Variants in NTRK1 observed in about 807,000 individuals in gnomAD.
The protein encoded by NTRK1 is high affinity nerve growth factor receptor.
Under a neutral mutation model 86.8 loss-of-function variants are expected in NTRK1, and 62 were observed. The ratio of observed to expected loss-of-function variants is 0.71; its 90% CI spans 0.58 to 0.88. The LOEUF (loss-of-function observed/expected upper bound fraction) is 0.88, where lower values mean the gene tolerates loss of function less well. NTRK1 is among the 40% of genes least tolerant of loss of function. The pLI, the probability that NTRK1 is intolerant of heterozygous loss-of-function variation, is 0.00. For missense variants in NTRK1, 967 were observed against 1,078.4 expected (o/e 0.90, Z 1.45); for synonymous variants, 469 against 456.6 (o/e 1.03, Z -0.35).
At chr1:156,869,017 TC>T (rs59311509) in intron 6 of NTRK1, among the ~76,000 whole-genome samples, 15,831 of 33,638 alleles carry the variant, frequency 0.47, 3,126 homozygotes, top group Middle Eastern at 0.53. Flanking sequence ...CTTTTCTCTC[TC>T]CCTTCCTTCC....
At chr1:156,867,883 C>A (rs1431906025) in intron 4 of NTRK1, among the ~76,000 whole-genome samples, 1 of 148,684 alleles carries the variant, frequency 6.7e-6, no homozygotes, top group East Asian at 2.1e-4. Flanking sequence ...CTGTGTTAGC[C>A]AGGATGGTCT....
intron 4 of NTRK1, 47 bp from the exon 5 acceptor site, chr1:156,868,057 C>T (rs1209995800): frequency 6.2e-7 from 1 of 1,610,590 alleles, no homozygotes. Context: ...CCCTGTGATC[C>T]CTCAGGCCCT....
At chr1:156,870,582 C>T (rs566378701) in intron 6 of NTRK1, among the ~76,000 whole-genome samples, 1 of 152,286 alleles carries the variant, frequency 6.6e-6, no homozygotes, top group African/African-American at 2.4e-5. Flanking sequence ...AGAGCTTGCA[C>T]AAAAGGCTGG....
intron 1 of NTRK1, among the ~76,000 whole-genome samples, chr1:156,819,396 A>T (rs750910934): frequency 6.6e-6 from 1 of 151,942 alleles, no homozygotes. Context: ...CATTTCCCTG[A>T]TGATTGTGGT....
In NTRK1 at chr1:156,866,996, C is replaced by G. The variant is rs1655965880; in HGVS notation, c.428+18C>G. 3 of 1,613,814 alleles carry G rather than the reference C, an allele frequency of 1.9e-6. No individual in the cohort carries two copies. Among genetic ancestry groups the G allele is most frequent in the South Asian group, 2.2e-5 (2 of 91,080 alleles). On this transcript the variant is annotated intron_variant, in intron 4 of 16. Coordinates refer to ENST00000524377, the MANE Select transcript of NTRK1 (RefSeq NM_002529.4). ...CAGGAACTGTGAGTGGGGGCGCTTC[C>G]AGGGGCAAGAGCACCAAGTGTGTGT...
intron 1 of NTRK1, chr1:156,840,564 C>T (rs941663718): frequency 2.2e-5 from 9 of 409,476 alleles, no homozygotes; most frequent in South Asian, 1.1e-4. Flanking sequence ...CTAGGGTGGG[C>T]GGGCCCCCTC....
At chr1:156,845,620 T>A in intron 2 of NTRK1, 1 of 1,403,944 alleles carries the variant, frequency 7.1e-7, no homozygotes, top group Non-Finnish European at 9.5e-7. Context: ...TCTTCGCACA[T>A]GGGGATGGTG....
At chr1:156,881,411 C>G (rs1386080546) in intron 16 of NTRK1, 46 bp from the exon 17 acceptor site, 15 of 1,541,648 alleles carry the variant, frequency 9.7e-6, no homozygotes, top group Non-Finnish European at 1.3e-5. Context: ...CACTCTCTTG[C>G]CCCCAGCCTA....
intron 1 of NTRK1, among the ~76,000 whole-genome samples, chr1:156,828,157 G>A (rs1571643724): frequency 6.6e-6 from 1 of 152,016 alleles, no homozygotes; most frequent in East Asian, 1.9e-4. Context: ...ATTTGCAATT[G>A]TAATATTATT....
intron 2 of NTRK1, chr1:156,846,460 C>T: frequency 7.3e-7 from 1 of 1,365,116 alleles, no homozygotes; most frequent in Non-Finnish European, 1.0e-6. Context: ...GGTGCCTGTG[C>T]TCCCCTGTTC....
At chr1:156,842,741 A>G (rs1470817836) in intron 2 of NTRK1, among the ~76,000 whole-genome samples, 1 of 152,130 alleles carries the variant, frequency 6.6e-6, no homozygotes, top group African/African-American at 2.4e-5. Flanking sequence ...CTTGAGCCCA[A>G]TCAGGACTCT....
intron 14 of NTRK1, among the ~76,000 whole-genome samples, chr1:156,876,797 C>T (rs560124653): frequency 1.3e-4 from 20 of 152,092 alleles, no homozygotes; most frequent in African/African-American, 4.3e-4. Flanking sequence ...AGGGAGGTTG[C>T]GATGGCAAAG....
chr1:156,874,266 C>A (rs540713556), intron 8 of NTRK1, 117 bp from the exon 9 acceptor site: 2 of 1,484,684 alleles, frequency 1.3e-6, no homozygotes, highest in African/African-American at 1.4e-5. Flanking sequence ...CCTCCATCCC[C>A]CCTCGTCCCA....
chr1:156,829,191 G>C (rs1156272536), intron 1 of NTRK1, among the ~76,000 whole-genome samples: 2 of 152,242 alleles, frequency 1.3e-5, no homozygotes, highest in Non-Finnish European at 2.9e-5. Flanking sequence ...GTTAGATGTA[G>C]AGTAGGTGAC....
At position 156,875,403 on chromosome 1, in the gene NTRK1, C is replaced by T. The variant is rs1647839305; in HGVS notation, c.1355-117C>T. ...CCCTGCCTGCTGTCTCGCTCCCTAG[C>T]TTCTCAGTCTCTCCCCTGCAAGTTA... On this transcript the variant is annotated intron_variant, in intron 11 of 16. Transcript: ENST00000524377. 4 of 1,378,820 alleles carry T rather than the reference C, an allele frequency of 2.9e-6. No homozygotes were observed. The African/African-American group carries it at 5.7e-5, about 20-fold the overall frequency. The allele number at this position is 1,378,820 out of a possible 1,614,324, so 85.4% of individuals were successfully genotyped here. A position where few individuals can be genotyped will look rare whatever the true frequency, so the allele number is the denominator to read the frequency against.
chr1:156,874,772 TC>T (rs869078528), intron 10 of NTRK1, 133 bp from the exon 11 acceptor site: 1 of 1,178,852 alleles, frequency 8.5e-7, no homozygotes, highest in Non-Finnish European at 1.3e-6. Context: ...ACTGCAGGGG[TC>T]CCCAGGGGAG....
chr1:156,872,038 A>C (rs553977812), intron 7 of NTRK1, among the ~76,000 whole-genome samples: 1 of 152,254 alleles, frequency 6.6e-6, no homozygotes, highest in South Asian at 2.1e-4. Context: ...ACTGCTCCGA[A>C]GTATTTTTTC....
rs1403016717 is a variant in NTRK1 at position 156,868,585 on chromosome 1, G to A, written c.655G>A (p.Gly219Arg). 1 of 1,552,504 alleles carries A rather than the reference G, an allele frequency of 6.4e-7. No individual in the cohort carries two copies. Among genetic ancestry groups the A allele is most frequent in the Non-Finnish European group, 8.7e-7 (1 of 1,147,648 alleles). Reference protein sequence around the residue: ...DDVLLRCQVEGRGLEQAGWIL... With the variant: ...DDVLLRCQVERRGLEQAGWIL... ...CGTGCTGCTGCGGTGCCAGGTGGAG[G>A]GGCGGGGCCTGGAGCAGGCCGGCTG... is the stretch of plus-strand genomic sequence containing the variant. Residue 219 changes from glycine to arginine, a missense_variant, in exon 6 of 17, where the codon GGG becomes AGG. Physicochemically the swap from Gly to Arg is moderately radical, Grantham distance 125. This residue lies in a region of NTRK1 where 330 missense variants were observed against 302.0 expected (regional missense o/e 1.09). Transcript: ENST00000524377.
intron 2 of NTRK1, chr1:156,851,239 G>C (rs1655193086): frequency 6.2e-7 from 1 of 1,607,316 alleles, no homozygotes; most frequent in Non-Finnish European, 8.5e-7. Flanking sequence ...TTCTGGGAGT[G>C]TTGGAGGAAG....
Sources: gnomAD v4.1 joint callset for allele counts (sites outside exome capture counted in the v4.1 genomes callset) on GRCh38, gnomAD v4.1.1 for gene constraint, gnomAD v4.1.1 regional missense constraint, MANE v1.5 for transcripts, NCBI Gene and HGNC (gene_info 2026-07-23, HGNC 2026-07-21) for gene names.